Variants in EPHA5 observed in about 807,000 individuals in gnomAD.
EPHA5 encodes the protein EPH receptor A5, also known as ephrin type-A receptor 5.
In EPHA5, 60 loss-of-function variants were observed where a neutral mutation model predicts 105.0. The observed-to-expected ratio is 0.57, with a 90% CI of 0.46 to 0.71. The LOEUF is 0.71. EPHA5 is among the 30% of genes least tolerant of loss of function. EPHA5 has a pLI of 0.00. For missense variants in EPHA5, 1,218 were observed against 1,274.7 expected, an observed-to-expected ratio of 0.96 and a Z score of 0.68; for synonymous variants, 513 against 449.1, an observed-to-expected ratio of 1.14 and a Z score of -1.80.
chr4:65,662,758 A>G (rs1187708814), intron 1 of EPHA5, among the ~76,000 whole-genome samples: 4 of 152,106 alleles, frequency 2.6e-5, no homozygotes, highest in Non-Finnish European at 5.9e-5. Flanking sequence ...ATTGAAAACA[A>G]TACTCAAAAC....
chr4:65,460,920 T>A (rs1728062154), intron 5 of EPHA5, among the ~76,000 whole-genome samples: 1 of 151,846 alleles, frequency 6.6e-6, no homozygotes, highest in Non-Finnish European at 1.5e-5. Flanking sequence ...TTATATTTAA[T>A]CACTGCACAA....
chr4:65,596,716 C>A (rs1305380823), intron 3 of EPHA5, among the ~76,000 whole-genome samples: 1 of 148,892 alleles, frequency 6.7e-6, no homozygotes, highest in African/African-American at 2.5e-5. Context: ...ACCAACACAA[C>A]ACACACAGGC....
chr4:65,495,882 T>C (rs1731882920), intron 3 of EPHA5, among the ~76,000 whole-genome samples: 1 of 152,196 alleles, frequency 6.6e-6, no homozygotes, highest in South Asian at 2.1e-4. Flanking sequence ...ACTTACTCTA[T>C]CATTACTACA....
At chr4:65,446,449 A>G (rs1398018157) in intron 5 of EPHA5, among the ~76,000 whole-genome samples, 1 of 152,214 alleles carries the variant, frequency 6.6e-6, no homozygotes. Context: ...GAAAGCCACA[A>G]GCATTATTCT....
At chr4:65,633,500 A>G (rs1746835755) in intron 2 of EPHA5, among the ~76,000 whole-genome samples, 1 of 152,088 alleles carries the variant, frequency 6.6e-6, no homozygotes, top group African/African-American at 2.4e-5. Flanking sequence ...GAAGGAAAAA[A>G]CAAAACAAAA....
intron 1 of EPHA5, among the ~76,000 whole-genome samples, chr4:65,657,754 TAATAATATTCGTTCACTA>T (rs994809953): frequency 6.6e-6 from 1 of 152,064 alleles, no homozygotes; most frequent in African/African-American, 2.4e-5. Flanking sequence ...ATAAGTTACT[TAATAATATTCGTTCACTA>T]AACACAAATG....
At chr4:65,495,729 T>A (rs79282027) in intron 3 of EPHA5, among the ~76,000 whole-genome samples, 186 bp from the exon 4 acceptor site, 150 of 152,304 alleles carry the variant, frequency 9.8e-4, no homozygotes, top group African/African-American at 3.5e-3. Flanking sequence ...TAATCAAATA[T>A]TTATTTAAAG....
At chr4:65,439,894 A>T (rs1444013535) in intron 5 of EPHA5, among the ~76,000 whole-genome samples, 1 of 152,120 alleles carries the variant, frequency 6.6e-6, no homozygotes, top group Non-Finnish European at 1.5e-5. Context: ...AGCAAAAAAA[A>T]ATTTGTTTGC....
intron 3 of EPHA5, among the ~76,000 whole-genome samples, chr4:65,567,608 A>T (rs1374437728): frequency 1.3e-5 from 2 of 151,568 alleles, no homozygotes; most frequent in African/African-American, 4.8e-5. Context: ...AAAATGCCAT[A>T]CTCTTTAAAA....
At chr4:65,403,907 C>T (rs1339013929) in intron 8 of EPHA5, among the ~76,000 whole-genome samples, 1 of 152,078 alleles carries the variant, frequency 6.6e-6, no homozygotes. Context: ...TTCCAAGTAG[C>T]TTGTTTGCCA....
chr4:65,421,802 G>T (rs28536477), intron 5 of EPHA5, among the ~76,000 whole-genome samples: 1 of 152,156 alleles, frequency 6.6e-6, no homozygotes, highest in African/African-American at 2.4e-5. Flanking sequence ...TTAGCATATA[G>T]AAATTTAATG....
chr4:65,526,753 T>C (rs1735271535), intron 3 of EPHA5, among the ~76,000 whole-genome samples: 3 of 151,978 alleles, frequency 2.0e-5, no homozygotes, highest in Admixed American at 1.3e-4. Context: ...ATCACTCATA[T>C]AACAACTGCA....
chr4:65,362,733 C>G (rs567253535), intron 11 of EPHA5, among the ~76,000 whole-genome samples: 7 of 151,686 alleles, frequency 4.6e-5, no homozygotes, highest in Middle Eastern at 3.4e-3. Flanking sequence ...TGTATTATTA[C>G]AAGAAGTTGT....
chr4:65,623,701 T>G (rs1745898533), intron 2 of EPHA5, among the ~76,000 whole-genome samples: 1 of 152,148 alleles, frequency 6.6e-6, no homozygotes, highest in South Asian at 2.1e-4. Flanking sequence ...GACTTCATAA[T>G]GACTGCCTGA....
chr4:65,506,698 C>T (rs879888784), intron 3 of EPHA5, among the ~76,000 whole-genome samples: 14 of 150,774 alleles, frequency 9.3e-5, no homozygotes, highest in Non-Finnish European at 1.2e-4. Flanking sequence ...TCATATCCTT[C>T]GCCCGCTTGT....
At chr4:65,365,264 G>C (rs1717757263) in intron 10 of EPHA5, 62 bp from the exon 11 acceptor site, 1 of 1,367,704 alleles carries the variant, frequency 7.3e-7, no homozygotes, top group Admixed American at 1.8e-5. Context: ...ATTAACACTT[G>C]TATGCCCTCT....
chr4:65,633,209 A>G (rs1246474931), intron 2 of EPHA5, among the ~76,000 whole-genome samples: 2 of 152,070 alleles, frequency 1.3e-5, no homozygotes, highest in Non-Finnish European at 2.9e-5. Context: ...TTTAATGGAA[A>G]TAATCAACAG....
intron 5 of EPHA5, among the ~76,000 whole-genome samples, chr4:65,441,415 T>C (rs779372523): frequency 3.7e-4 from 56 of 152,142 alleles, no homozygotes; most frequent in Non-Finnish European, 6.6e-4. Flanking sequence ...ATATTTATAG[T>C]ATTTACTTAA....
At chr4:65,635,574 T>G (rs992878845) in intron 2 of EPHA5, among the ~76,000 whole-genome samples, 2 of 152,050 alleles carry the variant, frequency 1.3e-5, no homozygotes, top group African/African-American at 4.8e-5. Flanking sequence ...GTGTATCTTG[T>G]GATCTTACAT....
Sources: allele counts gnomAD v4.1 joint callset (sites outside exome capture counted in the v4.1 genomes callset), GRCh38; gene constraint gnomAD v4.1.1; transcripts MANE v1.5; gene names NCBI Gene and HGNC (gene_info 2026-07-23, HGNC 2026-07-21).